The following SYNJ2BP variants were observed in gnomAD, a reference collection of about 807,000 sequenced individuals.
The protein encoded by SYNJ2BP is synaptojanin-2-binding protein.
In SYNJ2BP, 10 loss-of-function variants were observed where a neutral mutation model predicts 16.9. The ratio of observed to expected loss-of-function variants is 0.59; its 90% CI spans 0.36 to 1.00. The LOEUF (loss-of-function observed/expected upper bound fraction) is 1.00. Ranked by LOEUF, SYNJ2BP falls within the 50% of genes least tolerant of loss-of-function variation. The pLI, the probability that SYNJ2BP is intolerant of heterozygous loss-of-function variation, is 0.01. For missense variants in SYNJ2BP, 162 were observed against 186.7 expected (o/e 0.87, Z 0.77); for synonymous variants, 54 against 68.4 (o/e 0.79, Z 1.04).
intron 1 of SYNJ2BP, among the ~76,000 whole-genome samples, chr14:70,405,844 T>C (rs1888333924): frequency 6.6e-6 from 1 of 152,230 alleles, no homozygotes; most frequent in Non-Finnish European, 1.5e-5. Context: ...GAAAAAGATG[T>C]GTTGGTCTTG....
intron 2 of SYNJ2BP, among the ~76,000 whole-genome samples, chr14:70,379,952 TG>T (rs1322751509): frequency 2.0e-5 from 3 of 152,230 alleles, no homozygotes; most frequent in African/African-American, 7.2e-5. Context: ...CTATATTAAA[TG>T]GTAGAAATAC....
intron 1 of SYNJ2BP, among the ~76,000 whole-genome samples, chr14:70,415,173 T>TAAAA (rs35018690): frequency 2.2e-5 from 3 of 136,998 alleles, no homozygotes; most frequent in South Asian, 2.3e-4. Context: ...ACCTCGTCTC[T>TAAAA]AAAAAAAAAA....
At chr14:70,380,605 T>G (rs1887727335) in intron 2 of SYNJ2BP, among the ~76,000 whole-genome samples, 1 of 150,126 alleles carries the variant, frequency 6.7e-6, no homozygotes, top group African/African-American at 2.5e-5. Context: ...GAGGTTGCAG[T>G]GAGCCAAGAT....
At chr14:70,395,482 CCTGT>C (rs138703943) in intron 1 of SYNJ2BP, among the ~76,000 whole-genome samples, 6,368 of 149,370 alleles carry the variant, frequency 0.043, 209 homozygotes, top group Middle Eastern at 0.072. Context: ...ACACAACCCC[CCTGT>C]CTGTCTTTTA....
intron 1 of SYNJ2BP, among the ~76,000 whole-genome samples, chr14:70,410,711 G>A (rs1276543278): frequency 3.3e-5 from 5 of 152,128 alleles, no homozygotes; most frequent in African/African-American, 7.2e-5. Flanking sequence ...CATGTCATTC[G>A]CAGGAACGTG....
At chr14:70,416,292 G>A (rs1888604200) in intron 1 of SYNJ2BP, among the ~76,000 whole-genome samples, 1 of 150,264 alleles carries the variant, frequency 6.7e-6, no homozygotes. Context: ...CTGCAGATGG[G>A]AGATAAGATT....
chr14:70,397,442 T>C (rs573124113), intron 1 of SYNJ2BP, among the ~76,000 whole-genome samples: 2 of 152,352 alleles, frequency 1.3e-5, no homozygotes, highest in South Asian at 2.1e-4. Context: ...ATTTGCTTGA[T>C]ACATTTTGGC....
At chr14:70,398,932 G>A (rs1888167933) in intron 1 of SYNJ2BP, among the ~76,000 whole-genome samples, 1 of 152,110 alleles carries the variant, frequency 6.6e-6, no homozygotes, top group Admixed American at 6.5e-5. Flanking sequence ...GGGGCCTCTA[G>A]GAGCAGATAG....
At position 70,369,137 on chromosome 14, in the gene SYNJ2BP, G is replaced by C. The variant is rs956440092; in HGVS notation, c.*3854C>G. 3 of 130,270 alleles carry C rather than the reference G, an allele frequency of 2.3e-5. No homozygotes were observed. Among genetic ancestry groups the C allele is most frequent in the Non-Finnish European group, 5.1e-5 (3 of 58,752 alleles). 8.1% of individuals were successfully genotyped at this position (130,270 alleles called of 1,614,324 possible). On this transcript the variant is annotated 3_prime_UTR_variant, in exon 4 of 4. Coordinates refer to ENST00000256366, the MANE Select transcript of SYNJ2BP (RefSeq NM_018373.3). ...TGTTTGTTTGTTTTTTTGTTTTTGAGACAAGGTCTCACTCCGTTGCTCAGG... is the reference window on the plus strand; with the variant it reads ...TGTTTGTTTGTTTTTTTGTTTTTGACACAAGGTCTCACTCCGTTGCTCAGG...
chr14:70,397,896 T>A (rs1189205872), intron 1 of SYNJ2BP, among the ~76,000 whole-genome samples: 1 of 66,326 alleles, frequency 1.5e-5, no homozygotes, highest in Non-Finnish European at 4.3e-5. Context: ...AAAGAGGAGC[T>A]TTACTGAGTG....
chr14:70,394,018 A>G (rs1192387210), intron 1 of SYNJ2BP, among the ~76,000 whole-genome samples: 1 of 151,844 alleles, frequency 6.6e-6, no homozygotes, highest in Non-Finnish European at 1.5e-5. Flanking sequence ...ATCCTTAATA[A>G]TATATTCTTA....
chr14:70,382,969 A>G (rs577179365), intron 2 of SYNJ2BP, among the ~76,000 whole-genome samples: 3 of 152,336 alleles, frequency 2.0e-5, no homozygotes, highest in Admixed American at 1.3e-4. Context: ...AATGGGCTCA[A>G]TTTAATACGC....
chr14:70,412,509 C>CAGTATATGTACAGTATATATGTATGTAT (rs1566626274), intron 1 of SYNJ2BP, among the ~76,000 whole-genome samples: 7,357 of 89,136 alleles, frequency 0.083, 843 homozygotes, highest in Non-Finnish European at 0.11. Context: ...AGTATATATA[C>CAGTATATGTACAGTATATATGTATGTAT]AGTATATATA....
At chr14:70,405,229 A>G (rs1888322046) in intron 1 of SYNJ2BP, among the ~76,000 whole-genome samples, 1 of 152,120 alleles carries the variant, frequency 6.6e-6, no homozygotes, top group African/African-American at 2.4e-5. Flanking sequence ...GGACAAAACT[A>G]AAGATTTAAA....
At chr14:70,410,919 T>G (rs1158689683) in intron 1 of SYNJ2BP, among the ~76,000 whole-genome samples, 3 of 152,158 alleles carry the variant, frequency 2.0e-5, no homozygotes. Context: ...GCTTAATACC[T>G]GGGTGACGAA....
chr14:70,414,171 A>G (rs2140879622), intron 1 of SYNJ2BP, among the ~76,000 whole-genome samples: 1 of 152,358 alleles, frequency 6.6e-6, no homozygotes, highest in South Asian at 2.1e-4. Flanking sequence ...GTAAGTGATT[A>G]ACATGAACTT....
chr14:70,412,652 A>G (rs948295202), intron 1 of SYNJ2BP, among the ~76,000 whole-genome samples: 2 of 149,952 alleles, frequency 1.3e-5, no homozygotes, highest in African/African-American at 4.9e-5. Context: ...TACCGGAAAG[A>G]CAATACCTCC....
intron 1 of SYNJ2BP, among the ~76,000 whole-genome samples, chr14:70,397,922 G>T (rs1888137287): frequency 2.0e-5 from 1 of 50,966 alleles, no homozygotes; most frequent in African/African-American, 4.2e-5. Context: ...ACAGCTCAGA[G>T]GGGACCTGCA....
Position 70,369,616 on chromosome 14 carries a change from G to A in SYNJ2BP, c.*3375C>T, listed in dbSNP as rs1732239261. Reference sequence around the variant, plus strand: ...CAATACTTAGATCCCAGAGTTATGAGACATGAAATAATGTACCAATCAGAG... The same window carrying A: ...CAATACTTAGATCCCAGAGTTATGAAACATGAAATAATGTACCAATCAGAG... On this transcript the variant is annotated 3_prime_UTR_variant, in exon 4 of 4. Transcript: ENST00000256366. The A allele has an allele frequency of 6.6e-6, 1 of 152,136 alleles. No homozygotes were observed. The highest frequency in any genetic ancestry group is 2.4e-5 in the African/African-American group (1 of 41,414). 9.4% of individuals were successfully genotyped at this position (152,136 alleles called of 1,614,324 possible). A position where few individuals can be genotyped will look rare whatever the true frequency, so the allele number is the denominator to read the frequency against.
Sources: gnomAD v4.1 joint callset for allele counts (sites outside exome capture counted in the v4.1 genomes callset) on GRCh38, gnomAD v4.1.1 for gene constraint, MANE v1.5 for transcripts, NCBI Gene and HGNC (gene_info 2026-07-23, HGNC 2026-07-21) for gene names.